GRIP1: variants seen among roughly 807,000 people sequenced by gnomAD.
GRIP1 encodes the protein glutamate receptor interacting protein 1.
GRIP1 carries 45 observed loss-of-function variants against 129.9 expected under a neutral mutation model. The ratio of observed to expected loss-of-function variants is 0.35; its 90% confidence interval spans 0.27 to 0.44. The LOEUF (loss-of-function observed/expected upper bound fraction) is 0.44. Ranked by LOEUF, GRIP1 falls within the 20% of genes least tolerant of loss-of-function variation. The pLI, the probability that GRIP1 is intolerant of heterozygous loss-of-function variation, is 1.00. For missense variants in GRIP1, 1,196 were observed against 1,396.8 expected, an observed-to-expected ratio of 0.86 and a Z score of 2.29; for synonymous variants, 530 against 520.8, an observed-to-expected ratio of 1.02 and a Z score of -0.24.
intron 1 of GRIP1, among the ~76,000 whole-genome samples, chr12:66,644,599 T>C (rs1302910507): frequency 6.6e-6 from 1 of 152,218 alleles, no homozygotes; most frequent in Non-Finnish European, 1.5e-5. Flanking sequence ...TAGATACTCA[T>C]ACACCACTTT....
chr12:66,408,515 T>G (rs945336614), intron 15 of GRIP1, among the ~76,000 whole-genome samples: 2 of 151,950 alleles, frequency 1.3e-5, no homozygotes, highest in Admixed American at 6.6e-5. Flanking sequence ...AAAAATAAAA[T>G]CAGCAGCAGT....
At chr12:66,529,804 A>T (rs1378218937) in intron 5 of GRIP1, 27 bp downstream of exon 5, 3 of 1,222,434 alleles carry the variant, frequency 2.5e-6, no homozygotes, top group African/African-American at 3.0e-5. Flanking sequence ...ATTTTTTTTA[A>T]AGTAGATTTT....
chr12:66,555,403 C>A (rs1419915574), intron 2 of GRIP1, among the ~76,000 whole-genome samples: 1 of 152,132 alleles, frequency 6.6e-6, no homozygotes, highest in East Asian at 1.9e-4. Flanking sequence ...GATTCCAACA[C>A]CCACGTCCCT....
intron 1 of GRIP1, among the ~76,000 whole-genome samples, chr12:67,025,024 A>C (rs1249071366): frequency 6.6e-6 from 1 of 152,220 alleles, no homozygotes; most frequent in Non-Finnish European, 1.5e-5. Flanking sequence ...AACTATTAGC[A>C]TAAAACCCTC....
At chr12:67,059,716 A>C (rs568980163) in intron 1 of GRIP1, among the ~76,000 whole-genome samples, 49 of 152,318 alleles carry the variant, frequency 3.2e-4, no homozygotes, top group Middle Eastern at 3.4e-3. Context: ...GTAGTGTGTA[A>C]ATTTGTAGGC....
intron 14 of GRIP1, among the ~76,000 whole-genome samples, chr12:66,422,110 T>C (rs2057822988): frequency 6.6e-6 from 1 of 152,112 alleles, no homozygotes; most frequent in Non-Finnish European, 1.5e-5. Flanking sequence ...CCCATAATAA[T>C]CATAGAGCCA....
intron 1 of GRIP1, among the ~76,000 whole-genome samples, chr12:66,727,500 C>T (rs1049673913): frequency 1.3e-5 from 2 of 152,156 alleles, no homozygotes. Context: ...ACCCAACCTG[C>T]ATCTGAAGCA....
intron 1 of GRIP1, among the ~76,000 whole-genome samples, chr12:67,061,414 T>C (rs1228054411): frequency 6.6e-6 from 1 of 152,256 alleles, no homozygotes; most frequent in African/African-American, 2.4e-5. Context: ...ATGGTCGGTC[T>C]ATACCTAGGC....
chr12:66,499,471 A>G (rs2060327129), intron 7 of GRIP1, among the ~76,000 whole-genome samples: 1 of 152,220 alleles, frequency 6.6e-6, no homozygotes, highest in Non-Finnish European at 1.5e-5. Flanking sequence ...TGCTTCATCA[A>G]CCAATAAACA....
At chr12:66,600,166 CA>C (rs761190146) in intron 1 of GRIP1, among the ~76,000 whole-genome samples, 20 of 152,172 alleles carry the variant, frequency 1.3e-4, no homozygotes, top group Non-Finnish European at 2.2e-4. Context: ...AATGGTACTA[CA>C]GAACTAATTT....
At chr12:66,425,094 T>C (rs1438774547) in intron 14 of GRIP1, among the ~76,000 whole-genome samples, 2 of 152,210 alleles carry the variant, frequency 1.3e-5, no homozygotes, top group Admixed American at 6.5e-5. Flanking sequence ...TGAGACCTTG[T>C]AGAGCTGAAA....
intron 1 of GRIP1, among the ~76,000 whole-genome samples, chr12:67,043,849 A>G (rs1204426490): frequency 7.2e-5 from 11 of 152,206 alleles, no homozygotes; most frequent in Non-Finnish European, 4.4e-5. Context: ...TTTGTACAGA[A>G]GATTTGAAAC....
At chr12:66,718,579 G>A (rs527536920) in intron 1 of GRIP1, among the ~76,000 whole-genome samples, 3 of 152,108 alleles carry the variant, frequency 2.0e-5, no homozygotes, top group South Asian at 2.1e-4. Flanking sequence ...GGCTGGGTGC[G>A]GTGGCTCATG....
rs576257324 is a variant in GRIP1 at position 67,011,602 on chromosome 12, A to G, written c.58+57448T>C. ...CTCTGCATATTTAATCCTCACATCCATATCCTCTATTTTTTTTTTTTGTCC... is the reference window on the plus strand; with the variant it reads ...CTCTGCATATTTAATCCTCACATCCGTATCCTCTATTTTTTTTTTTTGTCC... On this transcript the variant is annotated intron_variant, in intron 1 of 1. Coordinates refer to the GRIP1 transcript ENST00000643019. 4.0e-5 allele frequency among the ~76,000 whole-genome samples: 6 copies of G among 149,486 alleles called. No individual in the cohort carries two copies. The East Asian group carries it at 1.2e-3, about 29-fold the overall frequency.
chr12:66,767,989 G>A (rs1266116300), intron 1 of GRIP1, among the ~76,000 whole-genome samples: 1 of 152,172 alleles, frequency 6.6e-6, no homozygotes, highest in Non-Finnish European at 1.5e-5. Context: ...TGTATATGCT[G>A]CAGGCTTATG....
intron 1 of GRIP1, among the ~76,000 whole-genome samples, chr12:66,699,410 G>A (rs2035274482): frequency 6.6e-6 from 1 of 152,170 alleles, no homozygotes; most frequent in East Asian, 1.9e-4. Context: ...CCTAGTGGGA[G>A]ATAATTGAAT....
chr12:66,969,473 A>G (rs2042041678), intron 1 of GRIP1, among the ~76,000 whole-genome samples: 2 of 152,090 alleles, frequency 1.3e-5, no homozygotes, highest in South Asian at 4.2e-4. Flanking sequence ...GTTAATAGCT[A>G]ACTGCAGCCT....
chr12:66,699,701 TG>T (rs1370239334), intron 1 of GRIP1, among the ~76,000 whole-genome samples: 2 of 152,166 alleles, frequency 1.3e-5, no homozygotes, highest in East Asian at 3.9e-4. Context: ...ATCAGGCAGA[TG>T]GCAAGCAAAA....
At chr12:66,670,003 A>G (rs757962118) in intron 1 of GRIP1, among the ~76,000 whole-genome samples, 1 of 152,250 alleles carries the variant, frequency 6.6e-6, no homozygotes, top group Non-Finnish European at 1.5e-5. Context: ...AATTGGCTCC[A>G]TAGAAGATGA....
Sources: gnomAD v4.1 joint callset for allele counts (sites outside exome capture counted in the v4.1 genomes callset) on GRCh38, gnomAD v4.1.1 for gene constraint, MANE v1.5 for transcripts, NCBI Gene and HGNC (gene_info 2026-07-23, HGNC 2026-07-21) for gene names.